Variants in NAP1L4 observed in about 807,000 individuals in gnomAD.
NAP1L4 encodes nucleosome assembly protein 1 like 4.
NAP1L4 carries 15 observed loss-of-function variants against 58.2 expected under a neutral mutation model. The ratio of observed to expected loss-of-function variants is 0.26; its 90% confidence interval spans 0.17 to 0.40. The LOEUF (loss-of-function observed/expected upper bound fraction) is 0.40. Among genes scored for constraint, NAP1L4 ranks in the 10% least tolerant of loss-of-function variants. The pLI is 1.00. For missense variants in NAP1L4, 384 were observed against 451.1 expected (o/e 0.85, Z 1.35); for synonymous variants, 171 against 155.6 (o/e 1.10, Z -0.74).
intron 3 of NAP1L4, 128 bp downstream of exon 3, chr11:2,978,156 A>T: frequency 1.2e-6 from 1 of 824,242 alleles, no homozygotes; most frequent in Admixed American, 2.9e-5. Context: ...CTGATTTTTC[A>T]TTTTAATTAC....
chr11:2,952,098 G>T, intron 12 of NAP1L4: 1 of 494,642 alleles, frequency 2.0e-6, no homozygotes, highest in Non-Finnish European at 3.6e-6. Flanking sequence ...GCTCTGCCCT[G>T]GCTGTTCTCA....
chr11:2,956,537 G>A (rs1260301485), intron 10 of NAP1L4, among the ~76,000 whole-genome samples: 1 of 152,154 alleles, frequency 6.6e-6, no homozygotes, highest in African/African-American at 2.4e-5. Context: ...TTCCCATTAA[G>A]CGACCACAAC....
At position 2,955,855 on chromosome 11, in the gene NAP1L4, ATAAAATG is replaced by A; in HGVS notation, c.893-96_893-90del. 8.2e-7 allele frequency: 1 copy of A among 1,213,206 alleles called. No homozygotes were observed. Among genetic ancestry groups the A allele is most frequent in the South Asian group, 1.3e-5 (1 of 77,364 alleles). The allele number at this position is 1,213,206 out of a possible 1,614,324, so 75.2% of individuals were successfully genotyped here. ...ACACAGGAGGAAGCTGTGCTGGTAG[ATAAAATG>A]TAACATTTCTCACCTCGAGGTTTAA... On this transcript the variant is annotated intron_variant, in intron 10 of 15. Transcript: ENST00000380542. This position sits in a 1 kb window ranked among gnomAD's most constrained non-coding sequence, Gnocchi z 4.2.
intron 7 of NAP1L4, among the ~76,000 whole-genome samples, chr11:2,967,994 T>A (rs1847387288): frequency 6.6e-6 from 1 of 152,098 alleles, no homozygotes; most frequent in African/African-American, 2.4e-5. Context: ...TCAAGTCACC[T>A]AACTCTAGCT....
intron 5 of NAP1L4, 63 bp downstream of exon 5, chr11:2,972,039 T>C: frequency 2.8e-6 from 4 of 1,440,866 alleles, no homozygotes; most frequent in Non-Finnish European, 3.7e-6. Flanking sequence ...AATGGGTTTA[T>C]CGGAACCTAA....
At chr11:2,991,341 C>T (rs537064689) in intron 1 of NAP1L4, 2 of 311,034 alleles carry the variant, frequency 6.4e-6, no homozygotes, top group East Asian at 1.6e-4. Context: ...TTGAAAACAA[C>T]AAAGACTCTG....
chr11:2,949,253 C>A lies in NAP1L4; in HGVS notation c.*6G>T. The stretch of plus-strand genomic sequence containing the variant: ...TAGAAACGTATGAATGATTAACAGA[C>A]AAAAATTACACCTAAATGGGGAAAA... On this transcript the variant is annotated 3_prime_UTR_variant, in exon 15 of 16. Transcript: ENST00000380542. The surrounding 1 kb of genome is among the most constrained non-coding windows in gnomAD (Gnocchi z 4.0). 1 of 1,599,978 alleles carries A rather than the reference C, an allele frequency of 6.3e-7. No homozygotes were observed. The highest frequency in any genetic ancestry group is 8.6e-7 in the Non-Finnish European group (1 of 1,167,370).
chr11:2,979,633 G>A (rs1056989371), intron 1 of NAP1L4, among the ~76,000 whole-genome samples: 2 of 152,048 alleles, frequency 1.3e-5, no homozygotes, highest in African/African-American at 4.8e-5. Context: ...TTAGCTGAGC[G>A]TGGTGGTGCA....
intron 7 of NAP1L4, among the ~76,000 whole-genome samples, chr11:2,968,376 A>G (rs939187552): frequency 2.0e-5 from 3 of 152,300 alleles, no homozygotes; most frequent in Admixed American, 1.3e-4. Flanking sequence ...AATTTTTCCA[A>G]TGAAATTCTG....
At position 2,944,606 on chromosome 11, in the gene NAP1L4, C is replaced by A. The variant is rs1845842307; in HGVS notation, c.*1073G>T. The A allele has an allele frequency of 6.6e-6, 1 of 152,298 alleles. No homozygotes were observed. Among genetic ancestry groups the A allele is most frequent in the African/African-American group, 2.4e-5 (1 of 41,438 alleles). The allele number at this position is 152,298 out of a possible 1,614,324, so 9.4% of individuals were successfully genotyped here. A position where few individuals can be genotyped will look rare whatever the true frequency, so the allele number is the denominator to read the frequency against. On this transcript the variant is annotated 3_prime_UTR_variant, in exon 16 of 16. Coordinates refer to ENST00000380542, the MANE Select transcript of NAP1L4 (RefSeq NM_005969.4). Reference sequence around the variant, plus strand: ...GAGAGCGCCGTCACCCACTTGAAAACCCCACCCACCAGCCGCCAAGCGGTC... The same window carrying A: ...GAGAGCGCCGTCACCCACTTGAAAAACCCACCCACCAGCCGCCAAGCGGTC...
In NAP1L4 at chr11:2,944,966, G is replaced by C. The variant is rs527524833; in HGVS notation, c.*713C>G. ...ACAGCGAAAAGCCGCAGTCCTCACA[G>C]GCAAGAAGGGATAAATAAATATGAG... On this transcript the variant is annotated 3_prime_UTR_variant, in exon 16 of 16. Transcript: ENST00000380542. 1.3e-5 allele frequency: 2 copies of C among 152,198 alleles called. No homozygotes were observed. The highest frequency in any genetic ancestry group is 4.1e-4 in the South Asian group (2 of 4,830). The allele number at this position is 152,198 out of a possible 1,614,324, so 9.4% of individuals were successfully genotyped here. A position where few individuals can be genotyped will look rare whatever the true frequency, so the allele number is the denominator to read the frequency against.
At chr11:2,952,971 C>T (rs1485581768) in intron 12 of NAP1L4, among the ~76,000 whole-genome samples, 1 of 152,198 alleles carries the variant, frequency 6.6e-6, no homozygotes, top group African/African-American at 2.4e-5. Context: ...TATGCCAACA[C>T]TTACTGAGTC....
At chr11:2,964,350 G>A (rs1478877159) in intron 8 of NAP1L4, among the ~76,000 whole-genome samples, 3 of 152,210 alleles carry the variant, frequency 2.0e-5, no homozygotes. Flanking sequence ...CAGCCCAGGA[G>A]TTGCAGCCTG....
chr11:2,982,614 A>G (rs1055161600), intron 1 of NAP1L4, among the ~76,000 whole-genome samples: 4 of 152,240 alleles, frequency 2.6e-5, no homozygotes, highest in Admixed American at 2.6e-4. Context: ...TGCCAAATTG[A>G]AAGTCACACG....
intron 2 of NAP1L4, among the ~76,000 whole-genome samples, 186 bp from the exon 3 acceptor site, chr11:2,978,528 A>G (rs1004585549): frequency 6.6e-6 from 1 of 152,172 alleles, no homozygotes; most frequent in South Asian, 2.1e-4. Flanking sequence ...AAAATATTCT[A>G]CTACGTAACA....
chr11:2,975,859 C>G (rs16928960), intron 4 of NAP1L4, among the ~76,000 whole-genome samples, 165 bp downstream of exon 4: 3 of 152,132 alleles, frequency 2.0e-5, no homozygotes, highest in African/African-American at 7.2e-5. Context: ...AGCCTAGGCA[C>G]CGGGTAGGGT....
intron 4 of NAP1L4, among the ~76,000 whole-genome samples, chr11:2,974,546 C>A (rs16928958): frequency 5.3e-5 from 8 of 152,150 alleles, no homozygotes; most frequent in Non-Finnish European, 8.8e-5. Flanking sequence ...CATCAAAACA[C>A]CTTGCCCACT....
intron 7 of NAP1L4, among the ~76,000 whole-genome samples, chr11:2,968,635 C>A (rs544042066): frequency 2.0e-5 from 3 of 152,102 alleles, no homozygotes; most frequent in African/African-American, 7.2e-5. Context: ...CATTAAAAAC[C>A]GTAGCTGTAA....
chr11:2,958,635 A>C, intron 9 of NAP1L4, 91 bp from the exon 10 acceptor site: 1 of 1,318,158 alleles, frequency 7.6e-7, no homozygotes. Flanking sequence ...GCTCTATGCC[A>C]AACCTGGAAA....
Sources: allele counts gnomAD v4.1 joint callset (sites outside exome capture counted in the v4.1 genomes callset), GRCh38; gene constraint gnomAD v4.1.1; non-coding constraint Gnocchi (gnomAD v3.1); transcripts MANE v1.5; gene names NCBI Gene and HGNC (gene_info 2026-07-23, HGNC 2026-07-21).